GRIP1: variants seen among roughly 807,000 people sequenced by gnomAD.
GRIP1 encodes the protein glutamate receptor-interacting protein 1.
A neutral mutation model predicts 129.9 loss-of-function variants in GRIP1; 45 were observed. That is an observed-to-expected ratio of 0.35 (90% CI 0.27 to 0.44). The LOEUF is 0.44. GRIP1 is among the 20% of genes least tolerant of loss of function. The pLI, the probability that GRIP1 is intolerant of heterozygous loss-of-function variation, is 1.00. For missense variants in GRIP1, 1,196 were observed against 1,396.8 expected (o/e 0.86, Z 2.29); for synonymous variants, 530 against 520.8 (o/e 1.02, Z -0.24).
At chr12:66,756,549 G>A (rs1270574963) in intron 1 of GRIP1, among the ~76,000 whole-genome samples, 1 of 152,056 alleles carries the variant, frequency 6.6e-6, no homozygotes, top group African/African-American at 2.4e-5. Flanking sequence ...CTCTTTTTCT[G>A]ATGAACACCT....
At chr12:66,352,351 A>C (rs1401648901) in intron 24 of GRIP1, among the ~76,000 whole-genome samples, 1 of 152,092 alleles carries the variant, frequency 6.6e-6, no homozygotes, top group African/African-American at 2.4e-5. Flanking sequence ...TTAGCAGAGA[A>C]GCGCCACAAG....
chr12:66,634,477 C>T (rs1016354849), intron 1 of GRIP1, among the ~76,000 whole-genome samples: 1 of 152,120 alleles, frequency 6.6e-6, no homozygotes, highest in South Asian at 2.1e-4. Context: ...ATTTACAGTG[C>T]TTCAGCTAGA....
At chr12:66,604,220 C>T (rs2064407194) in intron 1 of GRIP1, among the ~76,000 whole-genome samples, 1 of 152,212 alleles carries the variant, frequency 6.6e-6, no homozygotes, top group African/African-American at 2.4e-5. Flanking sequence ...TCTGTGCTAG[C>T]TAGTCTGCTC....
chr12:66,488,338 C>T (rs992379316), intron 7 of GRIP1, among the ~76,000 whole-genome samples: 2 of 152,118 alleles, frequency 1.3e-5, no homozygotes, highest in Non-Finnish European at 2.9e-5. Flanking sequence ...AATCACACAA[C>T]TACTTGAAAA....
intron 1 of GRIP1, among the ~76,000 whole-genome samples, chr12:66,695,710 A>G (rs1355120541): frequency 1.3e-5 from 2 of 152,208 alleles, no homozygotes; most frequent in African/African-American, 4.8e-5. Flanking sequence ...AGGTGATAGA[A>G]TGGAATAAAA....
chr12:66,572,728 G>A (rs1035734668), intron 2 of GRIP1, among the ~76,000 whole-genome samples: 1 of 152,054 alleles, frequency 6.6e-6, no homozygotes, highest in African/African-American at 2.4e-5. Context: ...ACCCAGTAAT[G>A]GTCTGAATAC....
chr12:66,992,968 G>T (rs150488585), intron 1 of GRIP1, among the ~76,000 whole-genome samples: 97 of 152,168 alleles, frequency 6.4e-4, no homozygotes, highest in African/African-American at 2.2e-3. Flanking sequence ...CAAAAAATTA[G>T]CAGGGTGTGG....
intron 1 of GRIP1, among the ~76,000 whole-genome samples, chr12:66,734,593 T>A (rs1044948390): frequency 6.6e-6 from 1 of 152,158 alleles, no homozygotes; most frequent in South Asian, 2.1e-4. Flanking sequence ...AGTATACAGA[T>A]CTATGATGGA....
intron 1 of GRIP1, among the ~76,000 whole-genome samples, chr12:66,821,561 A>T (rs892989135): frequency 6.6e-6 from 1 of 152,228 alleles, no homozygotes; most frequent in Non-Finnish European, 1.5e-5. Flanking sequence ...AAGATAAAAA[A>T]AAGTCCTTGT....
At chr12:66,877,759 T>C (rs148482036) in intron 1 of GRIP1, among the ~76,000 whole-genome samples, 7 of 152,146 alleles carry the variant, frequency 4.6e-5, no homozygotes, top group Non-Finnish European at 8.8e-5. Flanking sequence ...ATAAAACATA[T>C]CTGGCAGAAA....
chr12:66,535,377 G>A (rs1328920782), intron 4 of GRIP1, among the ~76,000 whole-genome samples: 3 of 151,678 alleles, frequency 2.0e-5, no homozygotes, highest in African/African-American at 7.3e-5. Flanking sequence ...AAAAAACACA[G>A]TACTTTCAGT....
chr12:67,045,301 C>T (rs939451898), intron 1 of GRIP1, among the ~76,000 whole-genome samples: 1 of 152,056 alleles, frequency 6.6e-6, no homozygotes, highest in African/African-American at 2.4e-5. Flanking sequence ...GGGAGGGAGA[C>T]ACAGAGACAG....
chr12:66,358,498 A>C (rs974458934), intron 23 of GRIP1, among the ~76,000 whole-genome samples: 1 of 151,896 alleles, frequency 6.6e-6, no homozygotes, highest in Non-Finnish European at 1.5e-5. Context: ...CCCGACTGGA[A>C]TGCAGTGGCG....
intron 1 of GRIP1, among the ~76,000 whole-genome samples, chr12:66,854,761 C>T (rs2137091476): frequency 6.6e-6 from 1 of 152,100 alleles, no homozygotes; most frequent in African/African-American, 2.4e-5. Context: ...ACAACCCATG[C>T]TTCATGACTA....
chr12:66,374,488 C>A (rs759876255), intron 22 of GRIP1, among the ~76,000 whole-genome samples: 3 of 152,152 alleles, frequency 2.0e-5, no homozygotes, highest in Non-Finnish European at 4.4e-5. Flanking sequence ...GCACCTGCCC[C>A]ATTTCTATGT....
chr12:66,950,196 C>T (rs557767312), intron 1 of GRIP1, among the ~76,000 whole-genome samples: 12 of 152,252 alleles, frequency 7.9e-5, no homozygotes, highest in African/African-American at 2.9e-4. Context: ...AATTTAATGA[C>T]CATGTTGCAC....
chr12:66,416,699 T>C (rs893578633), intron 15 of GRIP1, among the ~76,000 whole-genome samples: 3 of 152,096 alleles, frequency 2.0e-5, no homozygotes, highest in African/African-American at 7.2e-5. Flanking sequence ...TGTACTAACA[T>C]TGAACTATGA....
chr12:66,382,002 G>A (rs1473063131), intron 19 of GRIP1, among the ~76,000 whole-genome samples: 4 of 152,246 alleles, frequency 2.6e-5, no homozygotes, highest in African/African-American at 9.6e-5. Flanking sequence ...AAGACAGGCA[G>A]ATCGCTTGAG....
intron 1 of GRIP1, among the ~76,000 whole-genome samples, chr12:66,776,426 C>T (rs974251683): frequency 1.3e-5 from 2 of 152,030 alleles, no homozygotes; most frequent in East Asian, 1.9e-4. Context: ...AGACTTTCAC[C>T]GACAGTTGAA....
Sources: allele counts gnomAD v4.1 joint callset (sites outside exome capture counted in the v4.1 genomes callset), GRCh38; gene constraint gnomAD v4.1.1; transcripts MANE v1.5; gene names NCBI Gene and HGNC (gene_info 2026-07-23, HGNC 2026-07-21).